The following KCNIP4 variants were observed in gnomAD, a reference collection of about 807,000 sequenced individuals.
KCNIP4 encodes the protein Kv channel-interacting protein 4.
In KCNIP4, 12 loss-of-function variants were observed where a neutral mutation model predicts 34.0. The ratio of observed to expected loss-of-function variants is 0.35; its 90% CI spans 0.23 to 0.57. KCNIP4 has a LOEUF of 0.57. Ranked by LOEUF, KCNIP4 falls within the 20% of genes least tolerant of loss-of-function variation. The probability of loss-of-function intolerance (pLI) is 0.83; values close to 1 mark genes in which losing one functional copy is unlikely to be tolerated. For synonymous variants in KCNIP4, 124 were observed against 102.2 expected (o/e 1.21, Z -1.29); for missense variants, 238 against 311.7 (o/e 0.76, Z 1.78).
At chr4:20,758,782 A>T in intron 4 of KCNIP4, 39 bp downstream of exon 4, 1 of 1,485,180 alleles carries the variant, frequency 6.7e-7, no homozygotes, top group Non-Finnish European at 9.4e-7. Context: ...CATAATTGTA[A>T]CTCTGATAGT....
At chr4:21,481,806 A>C (rs990516721) in intron 1 of KCNIP4, among the ~76,000 whole-genome samples, 3 of 152,130 alleles carry the variant, frequency 2.0e-5, no homozygotes, top group African/African-American at 7.2e-5. Context: ...CACATCTCAG[A>C]TGTATTAGAG....
At chr4:21,064,944 G>C (rs899901813) in intron 1 of KCNIP4, among the ~76,000 whole-genome samples, 7 of 152,148 alleles carry the variant, frequency 4.6e-5, no homozygotes, top group Non-Finnish European at 7.3e-5. Flanking sequence ...GAATGTTATA[G>C]TTTTAATTTA....
chr4:20,833,524 C>T (rs10021403), intron 3 of KCNIP4, among the ~76,000 whole-genome samples: 112,247 of 150,838 alleles, frequency 0.74, 41,607 homozygotes, highest in South Asian at 0.81. Context: ...AAAATCTTTA[C>T]GGGTCATATG....
At chr4:20,932,670 G>A (rs181182269) in intron 1 of KCNIP4, among the ~76,000 whole-genome samples, 1 of 151,978 alleles carries the variant, frequency 6.6e-6, no homozygotes, top group Non-Finnish European at 1.5e-5. Context: ...GTAAACCTCA[G>A]ATATACACAA....
intron 1 of KCNIP4, chr4:21,718,436 A>G (rs1714551701): frequency 6.6e-6 from 1 of 152,222 alleles, no homozygotes. Flanking sequence ...CAACCAAAAT[A>G]ATACTGAAAG....
intron 1 of KCNIP4, among the ~76,000 whole-genome samples, chr4:20,911,001 G>A (rs1021127608): frequency 6.6e-6 from 1 of 152,044 alleles, no homozygotes; most frequent in South Asian, 2.1e-4. Context: ...AACTCACATT[G>A]AAGATTTTTA....
intron 1 of KCNIP4, among the ~76,000 whole-genome samples, chr4:21,279,841 T>C (rs1311614636): frequency 6.6e-6 from 1 of 152,118 alleles, no homozygotes; most frequent in African/African-American, 2.4e-5. Context: ...AAAAATTAAT[T>C]ATGAGGACCT....
intron 1 of KCNIP4, among the ~76,000 whole-genome samples, chr4:21,457,259 C>T (rs1416901898): frequency 6.6e-6 from 1 of 152,058 alleles, no homozygotes. Context: ...AACAGCCTAG[C>T]AGAGCTCTGG....
At chr4:20,976,429 G>A (rs1304129761) in intron 1 of KCNIP4, among the ~76,000 whole-genome samples, 1 of 152,140 alleles carries the variant, frequency 6.6e-6, no homozygotes, top group Non-Finnish European at 1.5e-5. Context: ...GAAGAATGGA[G>A]CTAGATATTC....
chr4:21,022,865 G>A (rs78577129), intron 1 of KCNIP4, among the ~76,000 whole-genome samples: 19 of 151,568 alleles, frequency 1.3e-4, no homozygotes, highest in African/African-American at 3.9e-4. Flanking sequence ...TTGCTTTTTC[G>A]CCCAGTCTGG....
intron 1 of KCNIP4, among the ~76,000 whole-genome samples, chr4:21,873,633 T>C (rs187130357): frequency 6.6e-6 from 1 of 152,234 alleles, no homozygotes; most frequent in East Asian, 1.9e-4. Context: ...GACTAAACAT[T>C]TAGGACAATC....
At chr4:21,757,270 A>AAG (rs1372593230) in intron 1 of KCNIP4, among the ~76,000 whole-genome samples, 2 of 81,388 alleles carry the variant, frequency 2.5e-5, no homozygotes. Context: ...AAGAAAAGAA[A>AAG]AGAAAAGAAA....
At chr4:20,942,036 G>A (rs1731693341) in intron 1 of KCNIP4, among the ~76,000 whole-genome samples, 1 of 152,156 alleles carries the variant, frequency 6.6e-6, no homozygotes, top group African/African-American at 2.4e-5. Flanking sequence ...ATTCTAGTAG[G>A]GGAGGACTTG....
intron 1 of KCNIP4, among the ~76,000 whole-genome samples, chr4:21,429,084 T>C (rs1004106898): frequency 6.6e-6 from 1 of 152,202 alleles, no homozygotes; most frequent in Non-Finnish European, 1.5e-5. Context: ...TATTATAGTA[T>C]CATACAAAAT....
chr4:20,814,257 A>C (rs1206557539), intron 3 of KCNIP4, among the ~76,000 whole-genome samples: 1 of 152,302 alleles, frequency 6.6e-6, no homozygotes, highest in African/African-American at 2.4e-5. Flanking sequence ...AGAACCACTG[A>C]TATTTAGGAC....
intron 1 of KCNIP4, among the ~76,000 whole-genome samples, chr4:21,342,563 A>T (rs568174849): frequency 1.4e-4 from 21 of 151,962 alleles, no homozygotes; most frequent in Non-Finnish European, 1.2e-4. Flanking sequence ...CCTCTTTCCA[A>T]TTTACTTTAG....
intron 1 of KCNIP4, among the ~76,000 whole-genome samples, chr4:21,197,294 A>T (rs148301617): frequency 6.6e-6 from 1 of 152,334 alleles, no homozygotes; most frequent in East Asian, 1.9e-4. Context: ...TTGCTAGCTC[A>T]GAGTATGTAC....
At chr4:21,599,960 G>A (rs1030388280) in intron 1 of KCNIP4, among the ~76,000 whole-genome samples, 1 of 152,012 alleles carries the variant, frequency 6.6e-6, no homozygotes, top group Non-Finnish European at 1.5e-5. Context: ...ATCTGGGTAG[G>A]ATTCAGTAAT....
intron 1 of KCNIP4, among the ~76,000 whole-genome samples, chr4:21,236,840 T>C (rs1386123894): frequency 1.3e-4 from 17 of 128,696 alleles, no homozygotes; most frequent in Non-Finnish European, 2.1e-4. Flanking sequence ...AAACCCCACC[T>C]CTACTAAAAA....
Sources: gnomAD v4.1 joint callset for allele counts (sites outside exome capture counted in the v4.1 genomes callset) on GRCh38, gnomAD v4.1.1 for gene constraint, MANE v1.5 for transcripts, NCBI Gene and HGNC (gene_info 2026-07-23, HGNC 2026-07-21) for gene names.